The following TTC19 variants were observed in gnomAD, a reference collection of about 807,000 sequenced individuals.
TTC19 encodes tetratricopeptide repeat protein 19, mitochondrial.
TTC19 carries 38 observed loss-of-function variants against 49.5 expected under a neutral mutation model. The ratio of observed to expected loss-of-function variants is 0.77; its 90% CI spans 0.59 to 1.01. The LOEUF is 1.01. Ranked by LOEUF, TTC19 falls within the 50% of genes least tolerant of loss-of-function variation. The pLI, the probability that TTC19 is intolerant of heterozygous loss-of-function variation, is 0.00. For synonymous variants in TTC19, 204 were observed against 185.2 expected (o/e 1.10, Z -0.83); for missense variants, 475 against 477.7 (o/e 0.99, Z 0.05).
At position 15,999,875 on chromosome 17, in the gene TTC19, G is replaced by C. The variant is rs781647443; in HGVS notation, c.27G>C (p.Leu9=). ...TGTTCCGGCTCCTGAGCTGGAGCCT[G>C]GGCCGAGGCTTCCTGCGGGCCGCGG... MFRLLSWS[L]GRGFLRAAGR... is the part of the protein sequence containing the mutation. Residue 9 remains leucine (L), a synonymous_variant, in exon 1 of 10, where the codon CTG becomes CTC. Transcript: ENST00000261647. The C allele has an allele frequency of 5.5e-5, 79 of 1,439,172 alleles. 2 individuals carry two copies. In the South Asian group the frequency reaches 1.1e-3, roughly 19 times the overall value. The allele number at this position is 1,439,172 out of a possible 1,614,324, so 89.2% of individuals were successfully genotyped here.
At chr17:16,031,047 T>G (rs73981416), downstream of TTC19, 2,967 of 194,436 alleles carry the variant, frequency 0.015, 98 homozygotes, top group African/African-American at 0.065. Flanking sequence ...AACTTTAAAA[T>G]TCAGCAAGCA....
intron 5 of TTC19, 103 bp from the exon 6 acceptor site, chr17:16,004,096 TAA>T: frequency 1.6e-6 from 2 of 1,245,752 alleles, no homozygotes; most frequent in African/African-American, 3.0e-5. Context: ...TCTAAAAGAA[TAA>T]AGACTGTGGC....
chr17:16,004,825 C>T (rs1345614665), intron 6 of TTC19, among the ~76,000 whole-genome samples: 1 of 152,176 alleles, frequency 6.6e-6, no homozygotes, highest in African/African-American at 2.4e-5. Context: ...TCACTGAGGC[C>T]AGGCCCTGGC....
At chr17:16,026,869 T>C (rs560973453) in intron 9 of TTC19, 167 bp downstream of exon 9, 8 of 760,060 alleles carry the variant, frequency 1.1e-5, no homozygotes, top group Non-Finnish European at 1.8e-5. Context: ...GTTGAAGTAC[T>C]ATTGTGTTCA....
At chr17:16,026,411 G>A (rs947798706) in intron 8 of TTC19, 129 bp from the exon 9 acceptor site, 14 of 828,370 alleles carry the variant, frequency 1.7e-5, no homozygotes, top group African/African-American at 3.4e-5. Context: ...TTAAAGAATG[G>A]TATCCCTCAT....
intron 4 of TTC19, among the ~76,000 whole-genome samples, chr17:16,003,493 C>T (rs1597450537): frequency 1.3e-5 from 2 of 151,580 alleles, no homozygotes; most frequent in African/African-American, 2.4e-5. Context: ...CAGGCTAAAT[C>T]GAGGGGACTC....
At chr17:16,040,416 G>C (rs1387036556) in intron 2 of TTC19, 2 of 1,608,736 alleles carry the variant, frequency 1.2e-6, no homozygotes, top group African/African-American at 2.7e-5. Flanking sequence ...TTTTGTATTG[G>C]TAAATAATGT....
Position 16,001,963 on chromosome 17 carries a change from G to A in TTC19, c.361G>A (p.Asp121Asn). 2 of 1,613,462 alleles carry A rather than the reference G, an allele frequency of 1.2e-6. No homozygotes were observed. Among genetic ancestry groups the A allele is most frequent in the Admixed American group, 1.7e-5 (1 of 60,028 alleles). The change falls in exon 3 of 10, where the codon GAC becomes AAC. Residue 121 changes from aspartate to asparagine, a missense_variant. Asp to Asn is a conservative substitution (Grantham distance 23). Coordinates refer to ENST00000261647, the MANE Select transcript of TTC19 (RefSeq NM_017775.4). ...AGAAGAGGCTGAGTTAATTTTGCAT[G>A]ACGCTCTTCGTCTCGCCTATCAGAC... ...EPEEAELILH[D>N]ALRLAYQTDN...
Position 16,028,192 on chromosome 17 carries a change from TAA to T in TTC19, c.*674_*675del, listed in dbSNP as rs775345035. The T allele has an allele frequency of 4.9e-4, 221 of 453,954 alleles. No individual in the cohort carries two copies. The highest frequency in any genetic ancestry group is 8.6e-4 in the Non-Finnish European group (194 of 226,766). 28.1% of individuals were successfully genotyped at this position (453,954 alleles called of 1,614,324 possible). ...AAAAATGGGGGTGTTTATATAAAAC[TAA>T]AAACTAAGAATGATGTAACCTTTTG... On this transcript the variant is annotated 3_prime_UTR_variant, in exon 10 of 10. Transcript: ENST00000261647.
chr17:16,029,186 A>T lies in TTC19; in HGVS notation c.*1664A>T, dbSNP rs906219868. 7 of 453,304 alleles carry T rather than the reference A, an allele frequency of 1.5e-5. No individual in the cohort carries two copies. The highest frequency in any genetic ancestry group is 6.9e-5 in the East Asian group (1 of 14,406). The allele number at this position is 453,304 out of a possible 1,614,324, so 28.1% of individuals were successfully genotyped here. ...TCATTCCAAGTTTTATTTATTTATTAATTTTAAATCATCCACAGTGACTCA... is the reference window on the plus strand; with the variant it reads ...TCATTCCAAGTTTTATTTATTTATTTATTTTAAATCATCCACAGTGACTCA... On this transcript the variant is annotated 3_prime_UTR_variant, in exon 10 of 10. Transcript: ENST00000261647.
chr17:16,034,694 T>C (rs757614163), intron 2 of TTC19: 1 of 1,356,082 alleles, frequency 7.4e-7, no homozygotes. Flanking sequence ...TGCTGAATTT[T>C]GAAGAACTAA....
chr17:16,032,551 G>T, downstream of TTC19: 2 of 1,394,984 alleles, frequency 1.4e-6, no homozygotes, highest in Non-Finnish European at 1.9e-6. Context: ...TCCAACTTTT[G>T]TAGGATGGAG....
chr17:16,022,719 T>C (rs12451075), intron 7 of TTC19, among the ~76,000 whole-genome samples: 65,420 of 152,080 alleles, frequency 0.43, 15,730 homozygotes, highest in Middle Eastern at 0.57. Context: ...ATTCCTGGAA[T>C]AAATGCTGTT....
At chr17:16,000,087 G>C in intron 1 of TTC19, 31 bp from the exon 2 acceptor site, 2 of 1,447,246 alleles carry the variant, frequency 1.4e-6, no homozygotes, top group African/African-American at 1.5e-5. Flanking sequence ...GCGCGGGCCG[G>C]GCCCGATGAC....
Position 16,028,395 on chromosome 17 carries a change from G to C in TTC19, c.*873G>C, listed in dbSNP as rs1971658501. The stretch of plus-strand genomic sequence containing the variant: ...GTACTGCTGGTATAGCTGAACTACT[G>C]ACCTGGATCTTAGTCCTAGCCTTTT... On this transcript the variant is annotated 3_prime_UTR_variant, in exon 10 of 10. Transcript: ENST00000261647. The C allele has an allele frequency of 2.2e-6, 1 of 453,954 alleles. No homozygotes were observed. The highest frequency in any genetic ancestry group is 2.0e-5 in the African/African-American group (1 of 49,996). 28.1% of individuals were successfully genotyped at this position (453,954 alleles called of 1,614,324 possible).
In TTC19 at chr17:16,028,888, A is replaced by T. The variant is rs1351455691; in HGVS notation, c.*1366A>T. The stretch of plus-strand genomic sequence containing the variant: ...AAAACACCAGAAACCTTGAGGTCCA[A>T]ATCCTCAGGGATTAGACTAAAACTA... On this transcript the variant is annotated 3_prime_UTR_variant, in exon 10 of 10. Coordinates refer to ENST00000261647, the MANE Select transcript of TTC19 (RefSeq NM_017775.4). The T allele has an allele frequency of 2.4e-6, 1 of 411,588 alleles. No individual in the cohort carries two copies. The highest frequency in any genetic ancestry group is 4.7e-6 in the Non-Finnish European group (1 of 214,126). The allele number at this position is 411,588 out of a possible 1,614,324, so 25.5% of individuals were successfully genotyped here. A position where few individuals can be genotyped will look rare whatever the true frequency, so the allele number is the denominator to read the frequency against.
At chr17:16,039,876 C>G in intron 2 of TTC19, 1 of 480,654 alleles carries the variant, frequency 2.1e-6, no homozygotes, top group Non-Finnish European at 3.8e-6. Context: ...CTGCAACCTC[C>G]GCCTCCCAGA....
At position 16,015,537 on chromosome 17, in the gene TTC19, TTCC is replaced by T; in HGVS notation, c.676+8977_676+8979del. Among the ~76,000 whole-genome samples the T allele has an allele frequency of 1.3e-5, 2 of 152,274 alleles. 1 individual carries two copies. Among genetic ancestry groups the T allele is most frequent in the Admixed American group, 1.3e-4 (2 of 15,292 alleles). On this transcript the variant is annotated intron_variant, in intron 7 of 9. Coordinates refer to ENST00000261647, the MANE Select transcript of TTC19 (RefSeq NM_017775.4). ...TAAAAAGATGTTTCCCATTGATTCC[TTCC>T]TCCTCCTTTCCTTGAAAGTTTTTAT...
chr17:16,044,939 G>A (rs907481447), exon 3 of TTC19: 15 of 634,102 alleles, frequency 2.4e-5, no homozygotes, highest in Non-Finnish European at 4.3e-5. Flanking sequence ...ATGATGACAT[G>A]GGCTTTTGGT....
Sources: allele counts gnomAD v4.1 joint callset (sites outside exome capture counted in the v4.1 genomes callset), GRCh38; gene constraint gnomAD v4.1.1; transcripts MANE v1.5; gene names NCBI Gene and HGNC (gene_info 2026-07-23, HGNC 2026-07-21).